DCC: variants seen among roughly 807,000 people sequenced by gnomAD.
DCC encodes the protein DCC netrin 1 receptor, also known as netrin receptor DCC.
In DCC, 58 loss-of-function variants were observed where a neutral mutation model predicts 172.5. The observed-to-expected ratio is 0.34, with a 90% confidence interval of 0.27 to 0.42. DCC has a LOEUF of 0.42. Among genes scored for constraint, DCC ranks in the 10% least tolerant of loss-of-function variants. The probability of loss-of-function intolerance (pLI) is 1.00; values close to 1 mark genes in which losing one functional copy is unlikely to be tolerated. For missense variants in DCC, 1,740 were observed against 1,791.0 expected, an observed-to-expected ratio of 0.97 and a Z score of 0.51; for synonymous variants, 709 against 644.5, an observed-to-expected ratio of 1.10 and a Z score of -1.52.
intron 1 of DCC, among the ~76,000 whole-genome samples, chr18:52,663,639 A>G (rs1191587346): frequency 2.0e-5 from 3 of 152,224 alleles, no homozygotes; most frequent in Non-Finnish European, 4.4e-5. Flanking sequence ...GAAAACTCAT[A>G]GTAATGAATA....
intron 2 of DCC, among the ~76,000 whole-genome samples, chr18:52,781,694 T>A (rs2037547578): frequency 6.6e-6 from 1 of 152,170 alleles, no homozygotes; most frequent in South Asian, 2.1e-4. Flanking sequence ...TTATCTCTTA[T>A]AAAGCTTAAT....
At chr18:52,927,513 C>T (rs2040237454) in intron 5 of DCC, among the ~76,000 whole-genome samples, 1 of 151,864 alleles carries the variant, frequency 6.6e-6, no homozygotes, top group East Asian at 1.9e-4. Context: ...CACATATGCC[C>T]ACATAAAGTT....
intron 1 of DCC, among the ~76,000 whole-genome samples, chr18:52,558,386 C>G (rs184869206): frequency 6.6e-6 from 1 of 152,008 alleles, no homozygotes; most frequent in African/African-American, 2.4e-5. Context: ...TGTCTAATTG[C>G]TTTACCTACT....
chr18:52,531,953 C>G (rs1392877875), intron 1 of DCC, among the ~76,000 whole-genome samples: 2 of 152,160 alleles, frequency 1.3e-5, no homozygotes, highest in African/African-American at 2.4e-5. Flanking sequence ...CTATCTTATG[C>G]AACTATTGCC....
intron 1 of DCC, among the ~76,000 whole-genome samples, chr18:52,417,777 AT>A (rs1555680111): frequency 1.3e-5 from 2 of 151,720 alleles, no homozygotes; most frequent in Admixed American, 1.3e-4. Flanking sequence ...ATTCGTCTAA[AT>A]TTTTTTCAAA....
At chr18:53,150,134 C>T (rs1356422375) in intron 7 of DCC, among the ~76,000 whole-genome samples, 1 of 152,168 alleles carries the variant, frequency 6.6e-6, no homozygotes, top group Non-Finnish European at 1.5e-5. Context: ...GATATATTTC[C>T]CCTTCTCCAT....
At chr18:52,348,679 C>T (rs980124742) in intron 1 of DCC, among the ~76,000 whole-genome samples, 6 of 152,192 alleles carry the variant, frequency 3.9e-5, no homozygotes, top group African/African-American at 7.2e-5. Flanking sequence ...GTTTCTTCTA[C>T]TAAGCAACCC....
intron 5 of DCC, 56 bp from the exon 6 acceptor site, chr18:53,063,249 G>C: frequency 6.5e-7 from 1 of 1,537,512 alleles, no homozygotes; most frequent in Non-Finnish European, 9.0e-7. Flanking sequence ...GACCTCAGCA[G>C]CATGCAAGTT....
intron 2 of DCC, among the ~76,000 whole-genome samples, chr18:52,890,000 G>A (rs907191590): frequency 2.0e-5 from 3 of 152,076 alleles, no homozygotes; most frequent in African/African-American, 7.2e-5. Context: ...TACTATATCT[G>A]ACCTTCAGCA....
intron 19 of DCC, among the ~76,000 whole-genome samples, chr18:53,408,104 A>G (rs1909778568): frequency 6.6e-6 from 1 of 152,162 alleles, no homozygotes; most frequent in Non-Finnish European, 1.5e-5. Context: ...GATCCCACAT[A>G]TCCATTATGT....
chr18:52,636,797 T>A (rs775013916), intron 1 of DCC, among the ~76,000 whole-genome samples: 55 of 152,166 alleles, frequency 3.6e-4, no homozygotes, highest in Non-Finnish European at 7.1e-4. Flanking sequence ...GCCCAACCAC[T>A]GGTCCCTCTC....
At chr18:53,007,875 T>C (rs182455150) in intron 5 of DCC, among the ~76,000 whole-genome samples, 1 of 152,198 alleles carries the variant, frequency 6.6e-6, no homozygotes, top group Admixed American at 6.6e-5. Flanking sequence ...CATTCAACTT[T>C]GTGACCTAAA....
At chr18:53,397,850 T>C (rs939017626) in intron 18 of DCC, among the ~76,000 whole-genome samples, 7 of 152,198 alleles carry the variant, frequency 4.6e-5, no homozygotes, top group African/African-American at 1.7e-4. Context: ...AAGAAAGCAT[T>C]GCATTACAAC....
At chr18:53,171,137 G>A (rs534241995) in intron 8 of DCC, among the ~76,000 whole-genome samples, 2 of 152,058 alleles carry the variant, frequency 1.3e-5, no homozygotes, top group South Asian at 2.1e-4. Flanking sequence ...TGCCTGCCTC[G>A]GCCTCCCAAA....
At chr18:53,127,194 T>C (rs191722957) in intron 7 of DCC, among the ~76,000 whole-genome samples, 2 of 150,970 alleles carry the variant, frequency 1.3e-5, no homozygotes, top group Admixed American at 6.6e-5. Flanking sequence ...TTTGTAGGGA[T>C]GGGGGTCTCG....
intron 5 of DCC, among the ~76,000 whole-genome samples, chr18:53,061,289 T>C (rs2042491221): frequency 6.6e-6 from 1 of 152,098 alleles, no homozygotes. Context: ...TCTCCCTTTC[T>C]CTTCTCCCTC....
At chr18:52,901,409 G>A (rs371566587) in intron 2 of DCC, among the ~76,000 whole-genome samples, 1 of 151,986 alleles carries the variant, frequency 6.6e-6, no homozygotes, top group Non-Finnish European at 1.5e-5. Context: ...CATCCTGGGC[G>A]ATAGTGTATA....
intron 12 of DCC, among the ~76,000 whole-genome samples, chr18:53,218,821 A>G (rs1173228633): frequency 6.6e-6 from 1 of 152,176 alleles, no homozygotes; most frequent in Non-Finnish European, 1.5e-5. Flanking sequence ...TTATTATTCA[A>G]TTATTATTGA....
chr18:52,585,202 G>C (rs1458005673), intron 1 of DCC, among the ~76,000 whole-genome samples: 1 of 152,184 alleles, frequency 6.6e-6, no homozygotes, highest in Non-Finnish European at 1.5e-5. Flanking sequence ...GCCAAATGAG[G>C]AGTGTTTTCT....
Sources: allele counts gnomAD v4.1 joint callset (sites outside exome capture counted in the v4.1 genomes callset), GRCh38; gene constraint gnomAD v4.1.1; transcripts MANE v1.5; gene names NCBI Gene and HGNC (gene_info 2026-07-23, HGNC 2026-07-21).